The following CDH23 variants were observed in gnomAD, a reference collection of about 807,000 sequenced individuals.
CDH23 encodes cadherin related 23.
A neutral mutation model predicts 317.1 loss-of-function variants in CDH23; 189 were observed. The observed-to-expected ratio is 0.60, with a 90% CI of 0.53 to 0.67. The LOEUF (loss-of-function observed/expected upper bound fraction) is 0.67. Among genes scored for constraint, CDH23 ranks in the 30% least tolerant of loss-of-function variants. The pLI is 0.00. For synonymous variants in CDH23, 1,839 were observed against 1,876.8 expected (o/e 0.98, Z 0.52); for missense variants, 4,401 against 4,592.4 (o/e 0.96, Z 1.20).
At position 71,716,296 on chromosome 10, in the gene CDH23, G is replaced by C. The variant is rs970127567; in HGVS notation, c.3369+3483G>C. ...GAGCTGAGAGAAAGGCGAGGGGGCT[G>C]ATGGCTGGGGAGCTGGCGAGGCTGG... On this transcript the variant is annotated intron_variant, in intron 28 of 69. Coordinates refer to ENST00000224721, the MANE Select transcript of CDH23 (RefSeq NM_022124.6). 4 of 1,515,888 alleles carry C rather than the reference G, an allele frequency of 2.6e-6. No individual in the cohort carries two copies. In the East Asian group the frequency reaches 7.5e-5, roughly 28 times the overall value. The allele number at this position is 1,515,888 out of a possible 1,614,324, so 93.9% of individuals were successfully genotyped here.
At chr10:71,642,896 A>G (rs1028844442) in intron 11 of CDH23, among the ~76,000 whole-genome samples, 3 of 152,210 alleles carry the variant, frequency 2.0e-5, no homozygotes, top group Non-Finnish European at 2.9e-5. Flanking sequence ...CTGCTGGGGA[A>G]TCTTCACCAC....
At chr10:71,452,352 A>G (rs893998498) in intron 3 of CDH23, among the ~76,000 whole-genome samples, 1 of 152,200 alleles carries the variant, frequency 6.6e-6, no homozygotes, top group Admixed American at 6.5e-5. Flanking sequence ...GCCCGCAGCC[A>G]GAAGCCTCCC....
chr10:71,638,253 T>G (rs1862368784), intron 11 of CDH23, among the ~76,000 whole-genome samples: 1 of 152,194 alleles, frequency 6.6e-6, no homozygotes, highest in Non-Finnish European at 1.5e-5. Context: ...CGTTGAACTG[T>G]GCTCTCTTAA....
At chr10:71,734,482 C>A in intron 33 of CDH23, 141 bp downstream of exon 33, 3 of 1,527,342 alleles carry the variant, frequency 2.0e-6, no homozygotes, top group South Asian at 1.2e-5. Flanking sequence ...TTCGCCATGT[C>A]CAGCCATGCC....
At chr10:71,546,340 G>A (rs1182056142) in intron 6 of CDH23, among the ~76,000 whole-genome samples, 1 of 152,196 alleles carries the variant, frequency 6.6e-6, no homozygotes, top group Non-Finnish European at 1.5e-5. Context: ...ATTTTGAGTG[G>A]CTCCTCTATA....
chr10:71,643,046 T>C (rs1191859162), intron 11 of CDH23, among the ~76,000 whole-genome samples: 2 of 152,248 alleles, frequency 1.3e-5, no homozygotes, highest in Non-Finnish European at 2.9e-5. Flanking sequence ...GTGTTTAGAA[T>C]AGTGCCTGAC....
At chr10:71,691,996 C>G (rs2132708964) in intron 20 of CDH23, among the ~76,000 whole-genome samples, 1 of 152,288 alleles carries the variant, frequency 6.6e-6, no homozygotes. Context: ...GGAGCTTCCC[C>G]CACAGTGAGC....
chr10:71,631,236 C>T (rs1018226046), intron 11 of CDH23, among the ~76,000 whole-genome samples: 1 of 152,106 alleles, frequency 6.6e-6, no homozygotes. Flanking sequence ...GAGCAAGACC[C>T]CAACTCTACC....
chr10:71,518,066 T>A (rs1210161159), intron 6 of CDH23, among the ~76,000 whole-genome samples: 2 of 147,356 alleles, frequency 1.4e-5, no homozygotes, highest in South Asian at 2.1e-4. Context: ...GGGTTGTGTG[T>A]GTGTATGTGT....
chr10:71,658,218 C>T (rs916504634), intron 14 of CDH23, among the ~76,000 whole-genome samples: 5 of 151,560 alleles, frequency 3.3e-5, no homozygotes, highest in East Asian at 1.9e-4. Flanking sequence ...ACCTAAATGG[C>T]GTGGAGTGAG....
chr10:71,496,547 C>T (rs7098570), intron 3 of CDH23, among the ~76,000 whole-genome samples: 83,763 of 152,014 alleles, frequency 0.55, 23,658 homozygotes, highest in Non-Finnish European at 0.6. Flanking sequence ...GGCCCCTAGG[C>T]CAGCTAGTCA....
At chr10:71,491,602 A>G (rs1414976357) in intron 3 of CDH23, among the ~76,000 whole-genome samples, 1 of 152,164 alleles carries the variant, frequency 6.6e-6, no homozygotes, top group Non-Finnish European at 1.5e-5. Flanking sequence ...TTCATTTGTA[A>G]CACAACTAGG....
intron 18 of CDH23, among the ~76,000 whole-genome samples, chr10:71,684,130 C>A (rs12783993): frequency 0.33 from 49,578 of 151,198 alleles, 8,430 homozygotes; most frequent in Middle Eastern, 0.38. Context: ...CGGCCTGACT[C>A]GAACCTGTAA....
chr10:71,614,555 C>T (rs1217107983), intron 9 of CDH23, among the ~76,000 whole-genome samples: 1 of 152,216 alleles, frequency 6.6e-6, no homozygotes, highest in Admixed American at 6.5e-5. Context: ...TCTCCATCTT[C>T]AGAGGGCCGG....
At chr10:71,436,361 T>C (rs915408035) in intron 1 of CDH23, among the ~76,000 whole-genome samples, 3 of 152,262 alleles carry the variant, frequency 2.0e-5, no homozygotes, top group Admixed American at 6.5e-5. Flanking sequence ...GCGAAAGGCA[T>C]TATGCATGCA....
intron 6 of CDH23, among the ~76,000 whole-genome samples, chr10:71,513,226 G>A (rs1191458811): frequency 6.6e-6 from 1 of 152,184 alleles, no homozygotes; most frequent in Non-Finnish European, 1.5e-5. Flanking sequence ...GGGCTGCTCA[G>A]TGTGGCCAGT....
At position 71,803,341 on chromosome 10, in the gene CDH23, TG is replaced by T; in HGVS notation, c.7795del (p.Val2599TrpfsTer55). On this transcript the variant is annotated frameshift_variant, in exon 55 of 70. Coordinates refer to ENST00000224721, the MANE Select transcript of CDH23 (RefSeq NM_022124.6). LOFTEE classifies it high-confidence loss of function. Reference protein sequence around the residue: ...EPPLWGTTMLLVEVIDVNDNR... With the variant: ...EPPLWGTTMLXVEVIDVNDNR... ...CCACTCTGGGGCACCACCATGCTCC[TG>T]GTGGAGGTCATCGACGTCAATGACA... 1 of 1,597,594 alleles carries T rather than the reference TG, an allele frequency of 6.3e-7. No individual in the cohort carries two copies. Among genetic ancestry groups the T allele is most frequent in the African/African-American group, 1.3e-5 (1 of 74,454 alleles).
At chr10:71,792,839 AAAAAAAAAAAAAAATATAT>A (rs1407813976) in intron 47 of CDH23, among the ~76,000 whole-genome samples, 10 of 75,362 alleles carry the variant, frequency 1.3e-4, no homozygotes, top group African/African-American at 4.4e-4. Context: ...AAAAAAAAAA[AAAAAAAAAAAAAAATATAT>A]ATATATATAT....
At chr10:71,643,490 C>G (rs757092438) in intron 11 of CDH23, among the ~76,000 whole-genome samples, 6 of 152,130 alleles carry the variant, frequency 3.9e-5, no homozygotes, top group Admixed American at 6.5e-5. Flanking sequence ...GGGATGGCCC[C>G]TCCCATCCCA....
Sources: allele counts gnomAD v4.1 joint callset (sites outside exome capture counted in the v4.1 genomes callset), GRCh38; gene constraint gnomAD v4.1.1; transcripts MANE v1.5; gene names NCBI Gene and HGNC (gene_info 2026-07-23, HGNC 2026-07-21).